Variants in COLEC10 observed in about 807,000 individuals in gnomAD.
COLEC10 encodes the protein collectin subfamily member 10, also known as collectin-10.
In COLEC10, 22 loss-of-function variants were observed where a neutral mutation model predicts 28.4. That is an observed-to-expected ratio of 0.78 (90% CI 0.55 to 1.11). The LOEUF is 1.11. Ranked by LOEUF, COLEC10 falls within the 50% of genes least tolerant of loss-of-function variation. The probability of loss-of-function intolerance (pLI) is 0.00; values close to 1 mark genes in which losing one functional copy is unlikely to be tolerated. For missense variants in COLEC10, 361 were observed against 344.1 expected, an observed-to-expected ratio of 1.05 and a Z score of -0.39; for synonymous variants, 125 against 116.1, an observed-to-expected ratio of 1.08 and a Z score of -0.49.
chr8:119,044,090 C>T (rs1032902415), intron 2 of COLEC10, among the ~76,000 whole-genome samples: 5 of 152,190 alleles, frequency 3.3e-5, no homozygotes, highest in African/African-American at 7.2e-5. Flanking sequence ...AGAGAGACCA[C>T]GTGTCCTGTT....
chr8:118,990,341 A>T, the COLEC10 span, among the ~76,000 whole-genome samples: 4 of 152,184 alleles, frequency 2.6e-5, no homozygotes, highest in African/African-American at 7.2e-5. Flanking sequence ...AAAGGGAGAA[A>T]TATAATTTTT....
intron 2 of COLEC10, among the ~76,000 whole-genome samples, chr8:119,023,286 T>G (rs764712363): frequency 1.3e-5 from 2 of 152,184 alleles, no homozygotes; most frequent in Non-Finnish European, 2.9e-5. Context: ...CCCCAATATA[T>G]AGTCCAAGAA....
chr8:118,975,621 T>C, the COLEC10 span, among the ~76,000 whole-genome samples: 2 of 152,180 alleles, frequency 1.3e-5, no homozygotes, highest in Admixed American at 6.6e-5. Flanking sequence ...TCCTGGGTTT[T>C]CCAGTGGCTT....
chr8:119,000,672 A>G (rs1268211389), intron 1 of COLEC10, among the ~76,000 whole-genome samples: 2 of 152,222 alleles, frequency 1.3e-5, no homozygotes, highest in African/African-American at 4.8e-5. Flanking sequence ...AATGGAGGTC[A>G]GGAAATTTCT....
chr8:119,103,783 T>C lies in COLEC10; in HGVS notation c.347-17T>C, dbSNP rs1229500366. 2 of 1,530,668 alleles carry C rather than the reference T, an allele frequency of 1.3e-6. No individual in the cohort carries two copies. The highest frequency in any genetic ancestry group is 2.2e-5 in the South Asian group (2 of 89,240). 94.8% of individuals were successfully genotyped at this position (1,530,668 alleles called of 1,614,324 possible). A position where few individuals can be genotyped will look rare whatever the true frequency, so the allele number is the denominator to read the frequency against. On this transcript the variant is annotated splice_polypyrimidine_tract_variant and intron_variant, in intron 4 of 5. Transcript: ENST00000332843. ...CAGGTACTTCAACATGAATTCACAG[T>C]TTTTGTCATTTAAAAGGTACTGTCT...
chr8:118,961,237 T>C, the COLEC10 span, among the ~76,000 whole-genome samples: 1 of 152,194 alleles, frequency 6.6e-6, no homozygotes, highest in African/African-American at 2.4e-5. Context: ...TAGAAAGAGA[T>C]AGAATCAAAA....
chr8:119,080,291 T>C (rs1456405955), intron 1 of COLEC10, among the ~76,000 whole-genome samples: 1 of 152,154 alleles, frequency 6.6e-6, no homozygotes, highest in Non-Finnish European at 1.5e-5. Context: ...CTAGTAGAAA[T>C]GCAGTAAAAA....
At chr8:119,037,862 A>G (rs1814417981) in intron 2 of COLEC10, among the ~76,000 whole-genome samples, 1 of 152,210 alleles carries the variant, frequency 6.6e-6, no homozygotes, top group Non-Finnish European at 1.5e-5. Flanking sequence ...AAAAGCAATA[A>G]TTCCATCTAA....
the COLEC10 span, among the ~76,000 whole-genome samples, chr8:118,964,335 T>C: frequency 4.6e-5 from 7 of 152,190 alleles, no homozygotes; most frequent in Non-Finnish European, 1.0e-4. Context: ...TCCCTTCTCA[T>C]AGAATATAGA....
the COLEC10 span, among the ~76,000 whole-genome samples, chr8:118,960,752 A>G: frequency 1.4e-5 from 2 of 140,334 alleles, no homozygotes; most frequent in Admixed American, 7.9e-5. Flanking sequence ...GTGCCACTGC[A>G]CTCTAGCCTG....
intron 2 of COLEC10, among the ~76,000 whole-genome samples, chr8:119,014,525 C>A (rs1029166851): frequency 1.3e-5 from 2 of 150,464 alleles, no homozygotes; most frequent in African/African-American, 5.0e-5. Context: ...AGTTTGAATA[C>A]AACATCCTAG....
chr8:119,071,628 A>G (rs1459851039), intron 1 of COLEC10, among the ~76,000 whole-genome samples: 2 of 152,150 alleles, frequency 1.3e-5, no homozygotes, highest in African/African-American at 4.8e-5. Flanking sequence ...TTATTTTCAC[A>G]GGCTTATTAC....
At chr8:119,074,883 A>G (rs1452857467) in intron 1 of COLEC10, among the ~76,000 whole-genome samples, 1 of 152,174 alleles carries the variant, frequency 6.6e-6, no homozygotes, top group Non-Finnish European at 1.5e-5. Context: ...AGAAAACTGA[A>G]CCTCAGATTT....
chr8:118,986,239 T>C, the COLEC10 span, among the ~76,000 whole-genome samples: 1 of 152,194 alleles, frequency 6.6e-6, no homozygotes, highest in African/African-American at 2.4e-5. Context: ...AGCAATATTA[T>C]ATCTATAGAA....
intron 2 of COLEC10, among the ~76,000 whole-genome samples, chr8:119,033,854 G>A (rs1328749899): frequency 5.3e-5 from 8 of 152,100 alleles, no homozygotes; most frequent in Non-Finnish European, 8.8e-5. Context: ...AGATCTAGAA[G>A]CAGAAATACC....
the COLEC10 span, among the ~76,000 whole-genome samples, chr8:118,981,047 C>T: frequency 6.6e-6 from 1 of 151,162 alleles, no homozygotes; most frequent in Non-Finnish European, 1.5e-5. Context: ...ATATATATTT[C>T]CTAGCAGTGT....
chr8:119,038,109 G>A (rs183170672), intron 2 of COLEC10, among the ~76,000 whole-genome samples: 27 of 152,226 alleles, frequency 1.8e-4, no homozygotes, highest in South Asian at 6.2e-4. Context: ...GTTGATTCTC[G>A]CTATTTGCTG....
At chr8:119,000,523 G>A (rs1479748548) in intron 1 of COLEC10, among the ~76,000 whole-genome samples, 2 of 152,106 alleles carry the variant, frequency 1.3e-5, no homozygotes, top group Non-Finnish European at 2.9e-5. Context: ...CAGAGTGAGA[G>A]GGGAGAGAAG....
the COLEC10 span, among the ~76,000 whole-genome samples, chr8:118,963,488 T>C: frequency 6.6e-6 from 1 of 152,244 alleles, no homozygotes; most frequent in African/African-American, 2.4e-5. Flanking sequence ...ACAACCTGTC[T>C]ACTTTTATAT....
Sources: gnomAD v4.1 joint callset for allele counts (sites outside exome capture counted in the v4.1 genomes callset) on GRCh38, gnomAD v4.1.1 for gene constraint, MANE v1.5 for transcripts, NCBI Gene and HGNC (gene_info 2026-07-23, HGNC 2026-07-21) for gene names.